The following PSIP1 variants were observed in gnomAD, a reference collection of about 807,000 sequenced individuals.
The protein encoded by PSIP1 is PC4 and SRSF1 interacting protein 1.
Under a neutral mutation model 74.7 loss-of-function variants are expected in PSIP1, and 19 were observed. The observed-to-expected ratio is 0.25, with a 90% CI of 0.18 to 0.37. PSIP1 has a LOEUF of 0.37. Among genes scored for constraint, PSIP1 ranks in the 10% least tolerant of loss-of-function variants. PSIP1 has a pLI of 1.00. For synonymous variants in PSIP1, 222 were observed against 195.3 expected, an observed-to-expected ratio of 1.14 and a Z score of -1.14; for missense variants, 601 against 614.3, an observed-to-expected ratio of 0.98 and a Z score of 0.23.
intron 2 of PSIP1, among the ~76,000 whole-genome samples, chr9:15,507,078 C>G (rs547178147): frequency 6.2e-4 from 94 of 152,246 alleles, no homozygotes; most frequent in African/African-American, 2.2e-3. Context: ...GAAATCTATA[C>G]AAATAACAGA....
intron 10 of PSIP1, chr9:15,472,286 CTACCAG>C: frequency 9.9e-7 from 1 of 1,008,172 alleles, no homozygotes. Flanking sequence ...CATTCTTTGT[CTACCAG>C]TATATTATCG....
intron 2 of PSIP1, 83 bp downstream of exon 2, chr9:15,510,033 AG>A (rs1277260967): frequency 2.8e-5 from 39 of 1,376,030 alleles, no homozygotes; most frequent in Non-Finnish European, 3.7e-5. Flanking sequence ...AAAGGACAGA[AG>A]AAAAAATAAA....
chr9:15,472,764 T>C lies in PSIP1; in HGVS notation c.859-14A>G. ...ACCTTTTCTCTTCTGTTTTGAGAAT[T>C]AGGATGGTTTTATTTAACTATAAAG... On this transcript the variant is annotated splice_polypyrimidine_tract_variant and intron_variant, in intron 9 of 15. Transcript: ENST00000380733. 6.3e-7 allele frequency: 1 copy of C among 1,595,010 alleles called. No homozygotes were observed. Among genetic ancestry groups the C allele is most frequent in the East Asian group, 2.2e-5 (1 of 44,514 alleles).
intron 6 of PSIP1, among the ~76,000 whole-genome samples, chr9:15,484,494 G>A (rs2132110091): frequency 6.6e-6 from 1 of 152,004 alleles, no homozygotes; most frequent in South Asian, 2.1e-4. Context: ...GGAGGCCGAG[G>A]TGGGTGGATC....
chr9:15,466,833 C>G lies in PSIP1; in HGVS notation c.1447G>C (p.Asp483His). The G allele has an allele frequency of 6.2e-7, 1 of 1,613,154 alleles. No individual in the cohort carries two copies. The highest frequency in any genetic ancestry group is 8.5e-7 in the Non-Finnish European group (1 of 1,179,676). The stretch of plus-strand genomic sequence containing the variant: ...TGTGGCTGATTACCATCTTGAGCAT[C>G]AGATCCTCCATTTAGAGTCTTTGAC... ...TGSKTLNGGS[D>H]AQDGNQPQHN... Residue 483 changes from aspartate to histidine, a missense_variant, in exon 15 of 16, where the codon GAT becomes CAT. By Grantham distance (81) the Asp-to-His change is moderately conservative. Around this residue, in one of 2 missense-constraint regions of PSIP1, gnomAD observed 538 missense variants for 507.6 expected, o/e 1.06. Coordinates refer to ENST00000380733, the MANE Select transcript of PSIP1 (RefSeq NM_033222.5).
chr9:15,466,644 CA>C, intron 15 of PSIP1, 103 bp downstream of exon 15: 2 of 844,456 alleles, frequency 2.4e-6, no homozygotes, highest in Non-Finnish European at 3.5e-6. Context: ...ATTGGGTGAT[CA>C]AAAGATAACT....
At chr9:15,487,004 T>C (rs2036585788) in intron 4 of PSIP1, 73 bp from the exon 5 acceptor site, 2 of 1,017,962 alleles carry the variant, frequency 2.0e-6, no homozygotes, top group Admixed American at 2.8e-5. Context: ...TCTTTATTTT[T>C]ATTTTTTTTT....
intron 3 of PSIP1, among the ~76,000 whole-genome samples, chr9:15,498,256 A>C (rs2037175897): frequency 1.3e-5 from 2 of 152,160 alleles, no homozygotes; most frequent in South Asian, 4.1e-4. Flanking sequence ...TCTCTACTAA[A>C]AATACAAAAA....
chr9:15,471,636 G>C (rs1020334136), intron 10 of PSIP1: 19 of 952,728 alleles, frequency 2.0e-5, no homozygotes, highest in Non-Finnish European at 2.0e-5. Context: ...ATATTTTTGA[G>C]CTTTAGATAA....
chr9:15,487,041 C>A, intron 4 of PSIP1, 110 bp from the exon 5 acceptor site: 1 of 624,686 alleles, frequency 1.6e-6, no homozygotes, highest in South Asian at 2.6e-5. Flanking sequence ...CTCTATCACC[C>A]AGGCTGGAGG....
chr9:15,506,533 A>G (rs375749690), intron 3 of PSIP1, 28 bp downstream of exon 3: 3 of 1,516,104 alleles, frequency 2.0e-6, no homozygotes, highest in Non-Finnish European at 2.7e-6. Context: ...ATTAGCTCTG[A>G]TTTGCCTTTA....
intron 3 of PSIP1, among the ~76,000 whole-genome samples, chr9:15,494,268 G>A (rs1242312991): frequency 1.3e-5 from 2 of 152,072 alleles, no homozygotes; most frequent in African/African-American, 2.4e-5. Context: ...AAAGACTTAA[G>A]AGTTCTATTT....
In PSIP1 at chr9:15,509,320, G is replaced by A. The variant is rs116120045; in HGVS notation, c.72+797C>T. 6.7e-3 allele frequency among the ~76,000 whole-genome samples: 1,019 copies of A among 152,208 alleles called. 12 individuals carry two copies. The highest frequency in any genetic ancestry group is 0.023 in the African/African-American group (955 of 41,540). ...CCTATCTATCTCTGTTTGAGAGCCT[G>A]GGTACCACCATAAACAAAAAGAACC... On this transcript the variant is annotated intron_variant, in intron 2 of 15. Transcript: ENST00000380733.
rs1024497037 is a variant in PSIP1, at chr9:15,506,122, G to C, written c.149+439C>G. 4 of 152,822 alleles carry C rather than the reference G, an allele frequency of 2.6e-5. No homozygotes were observed. In the East Asian group the frequency reaches 7.7e-4, roughly 29 times the overall value. 9.5% of individuals were successfully genotyped at this position (152,822 alleles called of 1,614,324 possible). The stretch of plus-strand genomic sequence containing the variant: ...CCCACCAGAGGCAGCAGAGCTTCAG[G>C]GACCATATAAACACATGGAGGGAAC... On this transcript the variant is annotated intron_variant, in intron 3 of 15. Transcript: ENST00000380733.
intron 15 of PSIP1, chr9:15,465,954 CAT>C: frequency 5.8e-6 from 1 of 172,166 alleles, no homozygotes; most frequent in Admixed American, 6.2e-5. Context: ...TTGATACACA[CAT>C]AGACAACAAG....
In PSIP1 at chr9:15,468,830, T is replaced by C. The variant is rs867815405; in HGVS notation, c.1220A>G (p.Lys407Arg). 5 of 1,613,572 alleles carry C rather than the reference T, an allele frequency of 3.1e-6. No homozygotes were observed. Among genetic ancestry groups the C allele is most frequent in the South Asian group, 1.1e-5 (1 of 91,062 alleles). ...ITTLKKIRRF[K>R]VSQVIMEKST... ...CTTTTCCATGATTACCTGACTAACTTTGAATCGCCGTATCTGAGAAAACAA... is the reference window on the plus strand; with the variant it reads ...CTTTTCCATGATTACCTGACTAACTCTGAATCGCCGTATCTGAGAAAACAA... Residue 407 changes from lysine (K) to arginine (R), a missense_variant, in exon 14 of 16, where the codon AAA becomes AGA. Lys to Arg is a conservative substitution (Grantham distance 26). Coordinates refer to ENST00000380733, the MANE Select transcript of PSIP1 (RefSeq NM_033222.5).
intron 3 of PSIP1, among the ~76,000 whole-genome samples, chr9:15,497,471 C>T (rs904853997): frequency 1.3e-5 from 2 of 152,048 alleles, no homozygotes; most frequent in Non-Finnish European, 2.9e-5. Flanking sequence ...GAATTACAGG[C>T]ATGTGCAACC....
chr9:15,467,240 C>G (rs1350879905), intron 14 of PSIP1, among the ~76,000 whole-genome samples: 1 of 152,130 alleles, frequency 6.6e-6, no homozygotes, highest in Non-Finnish European at 1.5e-5. Context: ...CAATGTGAAT[C>G]AAATTTTAAA....
rs913416039 is a variant in PSIP1 at position 15,465,153 on chromosome 9, G to A, written c.*367C>T. On this transcript the variant is annotated 3_prime_UTR_variant, in exon 16 of 16. Transcript: ENST00000380733. ...GTAAAAACTATGCACAAAACCCACA[G>A]TATTTGGGAAAAGAGGCAAGGTTTA... 1 of 238,950 alleles carries A rather than the reference G, an allele frequency of 4.2e-6. No individual in the cohort carries two copies. The highest frequency in any genetic ancestry group is 6.2e-5 in the East Asian group (1 of 16,216). The allele number at this position is 238,950 out of a possible 1,614,324, so 14.8% of individuals were successfully genotyped here.
Sources: allele counts gnomAD v4.1 joint callset (sites outside exome capture counted in the v4.1 genomes callset), GRCh38; gene constraint gnomAD v4.1.1; regional missense constraint gnomAD v4.1.1; transcripts MANE v1.5; gene names NCBI Gene and HGNC (gene_info 2026-07-23, HGNC 2026-07-21).